Variants in TSPAN5 observed in about 807,000 individuals in gnomAD.
The protein encoded by TSPAN5 is tetraspanin-5.
Under a neutral mutation model 37.1 loss-of-function variants are expected in TSPAN5, and 10 were observed. That is an observed-to-expected ratio of 0.27 (90% CI 0.17 to 0.46). The LOEUF (loss-of-function observed/expected upper bound fraction) is 0.46. Among genes scored for constraint, TSPAN5 ranks in the 20% least tolerant of loss-of-function variants. The pLI is 1.00. For synonymous variants in TSPAN5, 110 were observed against 118.9 expected (o/e 0.93, Z 0.48); for missense variants, 195 against 326.6 (o/e 0.60, Z 3.11).
intron 1 of TSPAN5, among the ~76,000 whole-genome samples, chr4:98,550,645 G>A (rs914413025): frequency 4.7e-5 from 7 of 148,066 alleles, no homozygotes; most frequent in Admixed American, 1.3e-4. Context: ...TTATAAATGG[G>A]GTTGACTTTT....
chr4:98,580,656 G>A (rs578048219), intron 1 of TSPAN5, among the ~76,000 whole-genome samples: 1 of 152,330 alleles, frequency 6.6e-6, no homozygotes, highest in South Asian at 2.1e-4. Flanking sequence ...TAGGGAGGGT[G>A]TCTAATGCAT....
intron 1 of TSPAN5, among the ~76,000 whole-genome samples, chr4:98,651,475 C>T (rs1194358706): frequency 6.6e-6 from 1 of 152,146 alleles, no homozygotes; most frequent in Non-Finnish European, 1.5e-5. Context: ...AATTTCCTGG[C>T]TTTCATGGTT....
intron 1 of TSPAN5, among the ~76,000 whole-genome samples, chr4:98,513,439 G>GGAGGT (rs1260065993): frequency 2.0e-5 from 3 of 152,146 alleles, no homozygotes; most frequent in Non-Finnish European, 4.4e-5. Context: ...GTGATCAAAA[G>GGAGGT]GAGGTGACTT....
chr4:98,495,531 CAAAAAAAA>C (rs10555303), intron 2 of TSPAN5, among the ~76,000 whole-genome samples: 1 of 130,916 alleles, frequency 7.6e-6, no homozygotes, highest in Non-Finnish European at 1.6e-5. Flanking sequence ...GCCTCCGTCT[CAAAAAAAA>C]AAAAAAAAAA....
At chr4:98,658,035 C>A (rs1757326922) in intron 1 of TSPAN5, 111 bp downstream of exon 1, 2 of 959,410 alleles carry the variant, frequency 2.1e-6, no homozygotes, top group Non-Finnish European at 1.7e-6. Context: ...CTATGCTGCT[C>A]CGGCAAGCGC....
chr4:98,617,937 G>A (rs927809012), intron 1 of TSPAN5, among the ~76,000 whole-genome samples: 1 of 152,208 alleles, frequency 6.6e-6, no homozygotes, highest in South Asian at 2.1e-4. Flanking sequence ...GAAACCATCT[G>A]TTCTAGAATT....
chr4:98,641,201 C>T (rs1756956908), intron 1 of TSPAN5, among the ~76,000 whole-genome samples: 1 of 152,068 alleles, frequency 6.6e-6, no homozygotes, highest in Non-Finnish European at 1.5e-5. Context: ...CAGTATAAAA[C>T]AATAAAATAA....
At chr4:98,541,626 G>T (rs574587625) in intron 1 of TSPAN5, among the ~76,000 whole-genome samples, 118 of 142,472 alleles carry the variant, frequency 8.3e-4, no homozygotes, top group Admixed American at 1.8e-3. Context: ...AGTGAGCCGA[G>T]ATCATGCCAC....
chr4:98,514,873 G>A (rs1753693913), intron 1 of TSPAN5, among the ~76,000 whole-genome samples: 1 of 152,156 alleles, frequency 6.6e-6, no homozygotes, highest in Non-Finnish European at 1.5e-5. Context: ...GGAAGAGAAA[G>A]GCAATATAAA....
intron 1 of TSPAN5, among the ~76,000 whole-genome samples, chr4:98,584,480 G>A (rs1473597256): frequency 6.6e-6 from 1 of 152,178 alleles, no homozygotes; most frequent in East Asian, 1.9e-4. Flanking sequence ...CAAATACACT[G>A]TCAGTGCTTG....
chr4:98,569,064 CTG>C (rs1026680367), intron 1 of TSPAN5, among the ~76,000 whole-genome samples: 3 of 152,240 alleles, frequency 2.0e-5, no homozygotes, highest in African/African-American at 7.2e-5. Flanking sequence ...AGCCTCCTGA[CTG>C]TGAAATGGAT....
chr4:98,555,531 C>T (rs1332596630), intron 1 of TSPAN5, among the ~76,000 whole-genome samples: 1 of 152,066 alleles, frequency 6.6e-6, no homozygotes. Context: ...TCAGCTGTCT[C>T]CCCTAGTAGG....
At chr4:98,537,897 G>T (rs1329914237) in intron 1 of TSPAN5, among the ~76,000 whole-genome samples, 7 of 152,256 alleles carry the variant, frequency 4.6e-5, no homozygotes, top group Non-Finnish European at 1.0e-4. Flanking sequence ...TGCTGCTCAT[G>T]GTAGGTGGTG....
chr4:98,567,275 A>G (rs1755026492), intron 1 of TSPAN5, among the ~76,000 whole-genome samples: 1 of 152,218 alleles, frequency 6.6e-6, no homozygotes, highest in Non-Finnish European at 1.5e-5. Context: ...AGCCTCCTAC[A>G]GTGGATAGTC....
rs558465403 is a variant in TSPAN5 at position 98,627,145 on chromosome 4, G to A, written c.81+31001C>T. Among the ~76,000 whole-genome samples, 320 of 152,178 alleles carry A rather than the reference G, an allele frequency of 2.1e-3. 2 individuals carry two copies. Among genetic ancestry groups the A allele is most frequent in the Non-Finnish European group, 2.5e-3 (173 of 68,008 alleles). ...GACAGAAAACATCTCCTAAGAAAAG[G>A]AAGGACATTCTACACATCAGCTGGC... is the stretch of plus-strand genomic sequence containing the variant. On this transcript the variant is annotated intron_variant, in intron 1 of 7. Transcript: ENST00000305798.
intron 1 of TSPAN5, among the ~76,000 whole-genome samples, chr4:98,557,646 C>T (rs902866876): frequency 6.6e-5 from 10 of 152,174 alleles, no homozygotes; most frequent in Admixed American, 5.2e-4. Context: ...AAGGGCTGTA[C>T]GTAGTGGCCT....
At chr4:98,509,868 CAGA>C (rs1400056387) in intron 1 of TSPAN5, 1 of 152,214 alleles carries the variant, frequency 6.6e-6, no homozygotes, top group African/African-American at 2.4e-5. Flanking sequence ...CTAGGAAGCA[CAGA>C]AGCACAGAGT....
chr4:98,472,274 C>A lies in TSPAN5; in HGVS notation c.*248G>T. On this transcript the variant is annotated 3_prime_UTR_variant, in exon 8 of 8. Transcript: ENST00000305798. ...TTTTTCTTTTTTGGTAAGCATCTAA[C>A]TGTCCATAAATTCATGGCTACAGTA... is the stretch of plus-strand genomic sequence containing the variant. 1 of 379,348 alleles carries A rather than the reference C, an allele frequency of 2.6e-6. No individual in the cohort carries two copies. Among genetic ancestry groups the A allele is most frequent in the Middle Eastern group, 6.9e-4 (1 of 1,444 alleles). 23.5% of individuals were successfully genotyped at this position (379,348 alleles called of 1,614,324 possible).
chr4:98,484,389 TATCTC>T (rs1354679509), intron 3 of TSPAN5: 2 of 454,304 alleles, frequency 4.4e-6, no homozygotes, highest in East Asian at 1.4e-4. Flanking sequence ...ACTTACTACT[TATCTC>T]ATACCTTCTG....
Sources: allele counts gnomAD v4.1 joint callset (sites outside exome capture counted in the v4.1 genomes callset), GRCh38; gene constraint gnomAD v4.1.1; transcripts MANE v1.5; gene names NCBI Gene and HGNC (gene_info 2026-07-23, HGNC 2026-07-21).